Variants in MAF observed in about 807,000 individuals in gnomAD.
The protein encoded by MAF is transcription factor Maf.
In MAF, 10 loss-of-function variants were observed where a neutral mutation model predicts 22.0. The ratio of observed to expected loss-of-function variants is 0.45; its 90% confidence interval spans 0.28 to 0.77. The LOEUF is 0.77. Among genes scored for constraint, MAF ranks in the 30% least tolerant of loss-of-function variants. The probability of loss-of-function intolerance (pLI) is 0.12; values close to 1 mark genes in which losing one functional copy is unlikely to be tolerated. For synonymous variants in MAF, 337 were observed against 255.8 expected, an observed-to-expected ratio of 1.32 and a Z score of -3.03; for missense variants, 544 against 548.4, an observed-to-expected ratio of 0.99 and a Z score of 0.08.
chr16:79,373,693 A>G, the MAF span, among the ~76,000 whole-genome samples: 7 of 151,938 alleles, frequency 4.6e-5, no homozygotes. Flanking sequence ...GCTTCATAAG[A>G]AGAGGAAGAG....
At chr16:79,502,715 ATAT>A in the MAF span, among the ~76,000 whole-genome samples, 201 of 41,080 alleles carry the variant, frequency 4.9e-3, 1 homozygote, top group South Asian at 0.024. Flanking sequence ...ATAAATATAT[ATAT>A]ATATATATAT....
chr16:79,590,162 A>C (rs1005155313), downstream of MAF, among the ~76,000 whole-genome samples: 2 of 151,976 alleles, frequency 1.3e-5, no homozygotes, highest in Admixed American at 6.5e-5. Context: ...GAACCCATGC[A>C]TAAAGGACTG....
At chr16:79,567,488 T>A in the MAF span, among the ~76,000 whole-genome samples, 1 of 152,228 alleles carries the variant, frequency 6.6e-6, no homozygotes, top group African/African-American at 2.4e-5. Flanking sequence ...TGTTTTATCT[T>A]TTTGCTTTTT....
chr16:79,346,657 A>G, the MAF span, among the ~76,000 whole-genome samples: 1 of 152,202 alleles, frequency 6.6e-6, no homozygotes, highest in Non-Finnish European at 1.5e-5. Context: ...TGGTGGATCT[A>G]CACGATACCA....
At chr16:79,334,867 G>GTA in the MAF span, among the ~76,000 whole-genome samples, 2 of 150,478 alleles carry the variant, frequency 1.3e-5, no homozygotes, top group Admixed American at 6.6e-5. Context: ...GTGTGTATGT[G>GTA]TGTGTGTGTG....
chr16:79,243,020 G>C, the MAF span, among the ~76,000 whole-genome samples: 3 of 151,934 alleles, frequency 2.0e-5, 1 homozygote, highest in Admixed American at 6.6e-5. Flanking sequence ...AAGACACAAA[G>C]TACCAGAGTC....
At chr16:79,335,205 A>G in the MAF span, among the ~76,000 whole-genome samples, 1 of 151,224 alleles carries the variant, frequency 6.6e-6, no homozygotes, top group African/African-American at 2.4e-5. Flanking sequence ...AAAAAGAAAG[A>G]AAAAGAACAT....
At chr16:79,484,844 T>A in the MAF span, among the ~76,000 whole-genome samples, 2 of 152,176 alleles carry the variant, frequency 1.3e-5, no homozygotes, top group South Asian at 4.1e-4. Flanking sequence ...CACTAAAAGC[T>A]ACTTAACCAG....
chr16:79,353,282 C>G, the MAF span, among the ~76,000 whole-genome samples: 1 of 152,096 alleles, frequency 6.6e-6, no homozygotes, highest in African/African-American at 2.4e-5. Flanking sequence ...TGGCCTACAA[C>G]CACACCTAGC....
chr16:79,222,844 T>C, the MAF span, among the ~76,000 whole-genome samples: 1 of 152,286 alleles, frequency 6.6e-6, no homozygotes, highest in African/African-American at 2.4e-5. Context: ...ATGCACCCAA[T>C]ACCGGAGCAC....
the MAF span, among the ~76,000 whole-genome samples, chr16:79,303,932 G>C: frequency 6.6e-6 from 1 of 152,130 alleles, no homozygotes; most frequent in South Asian, 2.1e-4. Context: ...AGAGGTTAAG[G>C]GTTGATGCAC....
the MAF span, among the ~76,000 whole-genome samples, chr16:79,296,376 G>A: frequency 6.6e-6 from 1 of 152,150 alleles, no homozygotes; most frequent in Non-Finnish European, 1.5e-5. Flanking sequence ...TCGGGGGGCA[G>A]GGTGTAGGGA....
At chr16:79,358,375 C>G in the MAF span, among the ~76,000 whole-genome samples, 1 of 152,148 alleles carries the variant, frequency 6.6e-6, no homozygotes, top group African/African-American at 2.4e-5. Context: ...GGACAGGCAG[C>G]TTGACCCTTG....
the MAF span, among the ~76,000 whole-genome samples, chr16:79,558,977 C>T: frequency 5.7e-4 from 87 of 152,308 alleles, 1 homozygote; most frequent in East Asian, 0.016. Context: ...CTTTTCTGAA[C>T]CAACAGAAAC....
chr16:79,394,136 A>G, the MAF span, among the ~76,000 whole-genome samples: 2 of 152,174 alleles, frequency 1.3e-5, no homozygotes, highest in Non-Finnish European at 2.9e-5. Flanking sequence ...AGGAGAGCAA[A>G]ATAAATCAAA....
the MAF span, among the ~76,000 whole-genome samples, chr16:79,495,559 T>C: frequency 6.6e-6 from 1 of 152,284 alleles, no homozygotes; most frequent in Admixed American, 6.5e-5. Flanking sequence ...CACATATAGA[T>C]TTCTTCTTAT....
At chr16:79,471,086 T>C in the MAF span, among the ~76,000 whole-genome samples, 1 of 152,212 alleles carries the variant, frequency 6.6e-6, no homozygotes, top group Admixed American at 6.5e-5. Context: ...TGCCATCTTT[T>C]AGGTACACAT....
At chr16:79,467,373 T>A in the MAF span, among the ~76,000 whole-genome samples, 1 of 152,192 alleles carries the variant, frequency 6.6e-6, no homozygotes, top group Non-Finnish European at 1.5e-5. Context: ...GCTGCTTTGC[T>A]CTCCAATGGC....
the MAF span, among the ~76,000 whole-genome samples, chr16:79,231,740 C>T: frequency 4.6e-5 from 7 of 151,958 alleles, no homozygotes; most frequent in Admixed American, 2.0e-4. Flanking sequence ...TTCTGTGGAC[C>T]GGAGTTAGGT....
Sources: allele counts gnomAD v4.1 joint callset (sites outside exome capture counted in the v4.1 genomes callset), GRCh38; gene constraint gnomAD v4.1.1; transcripts MANE v1.5; gene names NCBI Gene and HGNC (gene_info 2026-07-23, HGNC 2026-07-21).